The following CDYL variants were observed in gnomAD, a reference collection of about 807,000 sequenced individuals.
CDYL encodes chromodomain Y-like protein.
CDYL carries 8 observed loss-of-function variants against 47.3 expected under a neutral mutation model. The ratio of observed to expected loss-of-function variants is 0.17; its 90% confidence interval spans 0.10 to 0.31. The LOEUF (loss-of-function observed/expected upper bound fraction) is 0.31, where lower values mean the gene tolerates loss of function less well. Ranked by LOEUF, CDYL falls within the 10% of genes least tolerant of loss-of-function variation. The pLI is 1.00. For synonymous variants in CDYL, 266 were observed against 265.0 expected (o/e 1.00, Z -0.04); for missense variants, 471 against 701.4 (o/e 0.67, Z 3.71).
intron 2 of CDYL, among the ~76,000 whole-genome samples, chr6:4,903,491 A>G (rs761445335): frequency 6.6e-6 from 1 of 151,824 alleles, no homozygotes; most frequent in Non-Finnish European, 1.5e-5. Flanking sequence ...ATATTGTTTT[A>G]TCTGAGCAAA....
In CDYL at chr6:4,794,243, G is replaced by A. The variant is rs117058872; in HGVS notation, c.24+17436G>A. ...AAGACTGAGAAGAGACGTGGCCAGA[G>A]GAGGAGGAGAACCGAGAGATAGTGG... is the stretch of plus-strand genomic sequence containing the variant. On this transcript the variant is annotated intron_variant, in intron 1 of 6. Transcript: ENST00000397588. Among the ~76,000 whole-genome samples, 148 of 152,240 alleles carry A rather than the reference G, an allele frequency of 9.7e-4. 1 individual carries two copies. The East Asian group carries it at 0.011, about 11-fold the overall frequency.
intron 2 of CDYL, chr6:4,724,809 T>C (rs965177410): frequency 8.5e-5 from 13 of 152,174 alleles, no homozygotes; most frequent in African/African-American, 2.7e-4. Flanking sequence ...CTCAAAGAAT[T>C]AGCAGCAACA....
At chr6:4,894,616 A>G (rs1286995316) in intron 2 of CDYL, among the ~76,000 whole-genome samples, 1 of 152,008 alleles carries the variant, frequency 6.6e-6, no homozygotes, top group East Asian at 1.9e-4. Context: ...ATCCCGGCTA[A>G]TTTTTGTATT....
intron 3 of CDYL, among the ~76,000 whole-genome samples, chr6:4,759,887 A>T: frequency 1.7e-5 from 1 of 58,308 alleles, no homozygotes; most frequent in Non-Finnish European, 2.9e-5. Flanking sequence ...CTCAAAAAAA[A>T]AAAAAAAAAA....
chr6:4,742,427 CA>C (rs1757813954), intron 3 of CDYL, among the ~76,000 whole-genome samples: 1 of 149,868 alleles, frequency 6.7e-6, no homozygotes, highest in East Asian at 1.9e-4. Context: ...TGGTCCATAG[CA>C]ATGATCAAAT....
At chr6:4,707,439 AT>A (rs1465740392) in intron 1 of CDYL, among the ~76,000 whole-genome samples, 3 of 151,966 alleles carry the variant, frequency 2.0e-5, no homozygotes, top group African/African-American at 7.2e-5. Flanking sequence ...CACCACACTA[AT>A]TTTTTGTATT....
intron 3 of CDYL, among the ~76,000 whole-genome samples, chr6:4,758,582 G>C (rs758102750): frequency 6.6e-6 from 1 of 151,772 alleles, no homozygotes. Context: ...AGAATCGCTT[G>C]AACCCGTGAG....
At chr6:4,888,298 T>C (rs1761952511) in intron 1 of CDYL, among the ~76,000 whole-genome samples, 1 of 152,190 alleles carries the variant, frequency 6.6e-6, no homozygotes, top group South Asian at 2.1e-4. Context: ...TATCTAATCC[T>C]ATGCTTTTTT....
intron 1 of CDYL, among the ~76,000 whole-genome samples, chr6:4,862,404 G>C (rs1377720008): frequency 6.6e-6 from 1 of 152,112 alleles, no homozygotes. Flanking sequence ...AGCTCTGCCT[G>C]GTGACAGCTC....
At chr6:4,940,205 A>G (rs547186713) in intron 4 of CDYL, among the ~76,000 whole-genome samples, 1 of 152,334 alleles carries the variant, frequency 6.6e-6, no homozygotes, top group Non-Finnish European at 1.5e-5. Flanking sequence ...CTGGATTGAT[A>G]TTCTTGTGAA....
intron 2 of CDYL, among the ~76,000 whole-genome samples, chr6:4,719,258 A>C (rs1462342453): frequency 1.3e-5 from 2 of 152,234 alleles, no homozygotes; most frequent in African/African-American, 4.8e-5. Flanking sequence ...CTGTGATAAT[A>C]AACATCTTCA....
intron 4 of CDYL, among the ~76,000 whole-genome samples, chr6:4,942,606 A>G (rs1415506706): frequency 1.3e-5 from 2 of 152,220 alleles, no homozygotes; most frequent in African/African-American, 4.8e-5. Context: ...ACTGTGTGAA[A>G]TCATAACAAG....
At chr6:4,814,034 CCT>C (rs1487507755) in intron 1 of CDYL, among the ~76,000 whole-genome samples, 2 of 151,658 alleles carry the variant, frequency 1.3e-5, no homozygotes, top group African/African-American at 2.4e-5. Flanking sequence ...CCCACCTTGG[CCT>C]CTCAAAGCAT....
At chr6:4,726,530 T>TAAAA (rs1401745274) in intron 2 of CDYL, among the ~76,000 whole-genome samples, 1 of 77,136 alleles carries the variant, frequency 1.3e-5, no homozygotes, top group African/African-American at 5.4e-5. Flanking sequence ...AGACTCTGTC[T>TAAAA]CAAAAAAAAA....
chr6:4,732,111 G>A (rs1447578535), intron 2 of CDYL, among the ~76,000 whole-genome samples: 1 of 152,188 alleles, frequency 6.6e-6, no homozygotes, highest in East Asian at 1.9e-4. Context: ...GAGACAGGAG[G>A]ATCACTTGAG....
intron 3 of CDYL, among the ~76,000 whole-genome samples, chr6:4,758,578 G>A (rs574460982): frequency 1.9e-4 from 29 of 150,650 alleles, no homozygotes; most frequent in Non-Finnish European, 2.7e-4. Flanking sequence ...CACGAGAATC[G>A]CTTGAACCCG....
intron 5 of CDYL, among the ~76,000 whole-genome samples, chr6:4,949,971 C>A (rs1758646836): frequency 1.3e-5 from 2 of 152,128 alleles, no homozygotes; most frequent in African/African-American, 4.8e-5. Flanking sequence ...ATGGAGAACA[C>A]CGAAGGTAGG....
intron 3 of CDYL, among the ~76,000 whole-genome samples, chr6:4,760,885 C>G (rs1286851062): frequency 6.6e-6 from 1 of 151,706 alleles, no homozygotes; most frequent in African/African-American, 2.4e-5. Context: ...CTCTCTCAAC[C>G]AACCCAACTC....
intron 4 of CDYL, among the ~76,000 whole-genome samples, chr6:4,941,480 T>G (rs1300934187): frequency 6.6e-6 from 1 of 152,204 alleles, no homozygotes; most frequent in Non-Finnish European, 1.5e-5. Context: ...AATGGCCAGT[T>G]CCCATTCCCT....
Sources: allele counts gnomAD v4.1 joint callset (sites outside exome capture counted in the v4.1 genomes callset), GRCh38; gene constraint gnomAD v4.1.1; transcripts MANE v1.5; gene names NCBI Gene and HGNC (gene_info 2026-07-23, HGNC 2026-07-21).